Variants in PIGN observed in about 807,000 individuals in gnomAD.
PIGN encodes the protein phosphatidylinositol glycan anchor biosynthesis class N.
In PIGN, 117 loss-of-function variants were observed where a neutral mutation model predicts 125.4. The observed-to-expected ratio is 0.93, with a 90% CI of 0.80 to 1.09. PIGN has a LOEUF of 1.09. Ranked by LOEUF, PIGN falls within the 50% of genes least tolerant of loss-of-function variation. The pLI is 0.00. For missense variants in PIGN, 1,075 were observed against 1,094.9 expected, an observed-to-expected ratio of 0.98 and a Z score of 0.26; for synonymous variants, 392 against 377.8, an observed-to-expected ratio of 1.04 and a Z score of -0.44.
chr18:62,096,879 G>A (rs1262391520), intron 22 of PIGN, among the ~76,000 whole-genome samples: 1 of 148,198 alleles, frequency 6.7e-6, no homozygotes, highest in African/African-American at 2.5e-5. Context: ...TTTTATGGCT[G>A]CATAGTATTC....
At chr18:62,182,028 C>T (rs2037735743) in intron 1 of PIGN, among the ~76,000 whole-genome samples, 1 of 152,120 alleles carries the variant, frequency 6.6e-6, no homozygotes, top group Admixed American at 6.5e-5. Flanking sequence ...GCCCGGCTGC[C>T]TTCTCCTTTT....
chr18:62,155,583 C>CA, intron 6 of PIGN, among the ~76,000 whole-genome samples: 1 of 151,926 alleles, frequency 6.6e-6, no homozygotes, highest in East Asian at 1.9e-4. Flanking sequence ...AAAACAAAAA[C>CA]AAAAAGAGAG....
chr18:62,065,951 T>C (rs2032494198), intron 30 of PIGN, among the ~76,000 whole-genome samples: 1 of 152,124 alleles, frequency 6.6e-6, no homozygotes, highest in African/African-American at 2.4e-5. Context: ...GGGGCCTGCT[T>C]CTGGGTATCT....
At chr18:62,063,030 T>G (rs2032275948) in intron 30 of PIGN, among the ~76,000 whole-genome samples, 1 of 151,522 alleles carries the variant, frequency 6.6e-6, no homozygotes, top group South Asian at 2.1e-4. Flanking sequence ...AGACGTTAAA[T>G]GCAAGCTTGC....
Position 62,081,937 on chromosome 18 carries a change from A to G in PIGN, c.2576+736T>C, listed in dbSNP as rs538973887. Among the ~76,000 whole-genome samples, 80 of 152,296 alleles carry G rather than the reference A, an allele frequency of 5.3e-4. 1 individual carries two copies. In the South Asian group the frequency reaches 0.016, roughly 31 times the overall value. ...GTTCTAGCTTATACTCATCAAGAAC[A>G]ACATGCAAATTTATGCTAATATTAG... On this transcript the variant is annotated intron_variant, in intron 28 of 30. Coordinates refer to ENST00000640252, the MANE Select transcript of PIGN (RefSeq NM_176787.5).
intron 30 of PIGN, among the ~76,000 whole-genome samples, chr18:62,054,352 G>C (rs530242581): frequency 4.0e-5 from 6 of 150,824 alleles, no homozygotes; most frequent in Non-Finnish European, 7.4e-5. Flanking sequence ...AAGTAAATCT[G>C]ATAAATTGGG....
intron 1 of PIGN, among the ~76,000 whole-genome samples, chr18:62,183,032 G>T (rs893996390): frequency 6.6e-6 from 1 of 152,194 alleles, no homozygotes; most frequent in Non-Finnish European, 1.5e-5. Flanking sequence ...CTGTTGTACA[G>T]CATGGTGACT....
At chr18:62,081,501 C>G (rs980178767) in intron 28 of PIGN, among the ~76,000 whole-genome samples, 5 of 152,128 alleles carry the variant, frequency 3.3e-5, no homozygotes, top group Admixed American at 1.3e-4. Context: ...GCCACCTTTG[C>G]CTCAGTTCTC....
rs547253794 is a variant in PIGN, at chr18:62,042,507, A to G, written c.*3349T>C. ...GTTTTAAGTGTACCCAAGGAAATGA[A>G]TAAGAGACACATCTCAAAGGTTCTT... On this transcript the variant is annotated 3_prime_UTR_variant, in exon 31 of 31. Coordinates refer to ENST00000640252, the MANE Select transcript of PIGN (RefSeq NM_176787.5). The G allele has an allele frequency of 1.3e-5, 2 of 152,346 alleles. No individual in the cohort carries two copies. Among genetic ancestry groups the G allele is most frequent in the Admixed American group, 6.5e-5 (1 of 15,302 alleles). The allele number at this position is 152,346 out of a possible 1,614,324, so 9.4% of individuals were successfully genotyped here.
At position 62,147,084 on chromosome 18, in the gene PIGN, A is replaced by G; in HGVS notation, c.692T>C (p.Ile231Thr). 4 of 1,603,942 alleles carry G rather than the reference A, an allele frequency of 2.5e-6. No individual in the cohort carries two copies. Among genetic ancestry groups the G allele is most frequent in the African/African-American group, 1.3e-5 (1 of 74,888 alleles). ...RPSSRDYKHN[I>T]KKVDDGVKEI... ...TTTAACTCCATCATCAACTTTTTTAATATTGTGCTTGTAGTCTCTATTTGT... is the reference window on the plus strand; with the variant it reads ...TTTAACTCCATCATCAACTTTTTTAGTATTGTGCTTGTAGTCTCTATTTGT... The change falls in exon 9 of 31, where the codon ATT becomes ACT. Residue 231 changes from isoleucine (I) to threonine (T), a missense_variant. Transcript: ENST00000640252.
At chr18:62,101,500 G>A (rs2034436859) in intron 21 of PIGN, among the ~76,000 whole-genome samples, 1 of 152,128 alleles carries the variant, frequency 6.6e-6, no homozygotes, top group Non-Finnish European at 1.5e-5. Flanking sequence ...TATTATTCTG[G>A]ATACATTCTG....
chr18:62,165,927 G>A (rs1433542643), intron 1 of PIGN, among the ~76,000 whole-genome samples: 1 of 152,016 alleles, frequency 6.6e-6, no homozygotes, highest in East Asian at 1.9e-4. Context: ...GAGTGAGAGT[G>A]GAATGAGCAC....
At position 62,148,216 on chromosome 18, in the gene PIGN, C is replaced by A; in HGVS notation, c.672G>T (p.Ser224=). 1 of 1,538,970 alleles carries A rather than the reference C, an allele frequency of 6.5e-7. No homozygotes were observed. Among genetic ancestry groups the A allele is most frequent in the South Asian group, 1.2e-5 (1 of 80,094 alleles). Residue 224 remains serine (S), a splice_region_variant and synonymous_variant, in exon 8 of 31, where the codon TCG becomes TCT. Transcript: ENST00000640252. Reference sequence around the variant, plus strand: ...AATTAAACACAATATTAAATTACCTCGAGGATGGTCGATGAGCATGTCCGT... The same window carrying A: ...AATTAAACACAATATTAAATTACCTAGAGGATGGTCGATGAGCATGTCCGT... The part of the protein sequence containing the change: ...DTNGHAHRPS[S]RDYKHNIKKV...
At chr18:62,060,122 T>C (rs1164258730) in intron 30 of PIGN, among the ~76,000 whole-genome samples, 1 of 152,214 alleles carries the variant, frequency 6.6e-6, no homozygotes, top group South Asian at 2.1e-4. Context: ...ATCATCTTCA[T>C]GCAATTGAGC....
intron 1 of PIGN, among the ~76,000 whole-genome samples, chr18:62,180,948 T>C (rs1401692498): frequency 6.6e-6 from 1 of 152,176 alleles, no homozygotes; most frequent in Non-Finnish European, 1.5e-5. Context: ...CTAATAGTTT[T>C]AGATTTTTGT....
At chr18:62,122,340 T>C (rs1028374379) in intron 14 of PIGN, among the ~76,000 whole-genome samples, 1 of 152,154 alleles carries the variant, frequency 6.6e-6, no homozygotes, top group African/African-American at 2.4e-5. Context: ...CAAACTAAAA[T>C]TCCTAGATTA....
In PIGN at chr18:62,092,179, T is replaced by C. The variant is rs192453871; in HGVS notation, c.2181-1601A>G. Among the ~76,000 whole-genome samples, 79 of 151,956 alleles carry C rather than the reference T, an allele frequency of 5.2e-4. 2 individuals are homozygous for C. The highest frequency in any genetic ancestry group is 5.0e-3 in the Admixed American group (77 of 15,288). Reference sequence around the variant, plus strand: ...ACAGATACCTACACACATGAGAAAATATCATGAGTAAAACAAGTACAGAAA... The same window carrying C: ...ACAGATACCTACACACATGAGAAAACATCATGAGTAAAACAAGTACAGAAA... On this transcript the variant is annotated intron_variant, in intron 23 of 30. Coordinates refer to ENST00000640252, the MANE Select transcript of PIGN (RefSeq NM_176787.5).
intron 28 of PIGN, among the ~76,000 whole-genome samples, chr18:62,080,880 TC>T (rs1339403303): frequency 1.3e-5 from 2 of 152,182 alleles, no homozygotes; most frequent in Non-Finnish European, 2.9e-5. Flanking sequence ...TATCAGGTAA[TC>T]TTCATGCACA....
intron 6 of PIGN, among the ~76,000 whole-genome samples, chr18:62,155,571 A>G (rs2036700126): frequency 6.6e-6 from 1 of 152,100 alleles, no homozygotes; most frequent in Non-Finnish European, 1.5e-5. Flanking sequence ...CTCCGTCTCA[A>G]AAAAACAAAA....
Sources: allele counts gnomAD v4.1 joint callset (sites outside exome capture counted in the v4.1 genomes callset), GRCh38; gene constraint gnomAD v4.1.1; transcripts MANE v1.5; gene names NCBI Gene and HGNC (gene_info 2026-07-23, HGNC 2026-07-21).